The following CCNH variants were observed in gnomAD, a reference collection of about 807,000 sequenced individuals.
The protein encoded by CCNH is cyclin H.
A neutral mutation model predicts 41.9 loss-of-function variants in CCNH; 31 were observed. The observed-to-expected ratio is 0.74, with a 90% CI of 0.56 to 1.00. The LOEUF (loss-of-function observed/expected upper bound fraction) is 1.00. Ranked by LOEUF, CCNH falls within the 50% of genes least tolerant of loss-of-function variation. CCNH has a pLI of 0.00. For missense variants in CCNH, 362 were observed against 388.4 expected (o/e 0.93, Z 0.57); for synonymous variants, 138 against 136.1 (o/e 1.01, Z -0.10).
At chr5:87,329,866 C>G (rs770130402) in intron 9 of CCNH, among the ~76,000 whole-genome samples, 1 of 152,018 alleles carries the variant, frequency 6.6e-6, no homozygotes, top group African/African-American at 2.4e-5. Flanking sequence ...TCTCTTATGT[C>G]GTTAAATTAT....
intron 9 of CCNH, among the ~76,000 whole-genome samples, chr5:87,386,170 TAGAG>T (rs1253647378): frequency 3.3e-5 from 5 of 152,046 alleles, no homozygotes; most frequent in African/African-American, 9.7e-5. Context: ...TTATTACTGT[TAGAG>T]AGACTTTCAT....
chr5:87,376,430 G>C lies in CCNH; in HGVS notation n.751C>G, dbSNP rs886060841. The C allele has an allele frequency of 6.2e-7, 1 of 1,613,966 alleles. No individual in the cohort carries two copies. Among genetic ancestry groups the C allele is most frequent in the Non-Finnish European group, 8.5e-7 (1 of 1,179,974 alleles). ...GCCAGTTGAGCCGATTACAGAAAGG[G>C]CATGCCACAGATGAATGGTTTCTGC... On this transcript the variant is annotated non_coding_transcript_exon_variant, in exon 1 of 1. Coordinates refer to the CCNH transcript ENST00000607486.
At chr5:87,331,530 A>G in intron 9 of CCNH, 1 of 1,603,112 alleles carries the variant, frequency 6.2e-7, no homozygotes. Context: ...ATGAAGCCAA[A>G]TGATGTAGCT....
In CCNH at chr5:87,349,087, A is replaced by T. The variant is rs1013420952; in HGVS notation, c.*91-30190T>A. 8.3e-6 allele frequency: 10 copies of T among 1,202,408 alleles called. No homozygotes were observed. The East Asian group carries it at 2.3e-4, about 27-fold the overall frequency. The allele number at this position is 1,202,408 out of a possible 1,614,324, so 74.5% of individuals were successfully genotyped here. On this transcript the variant is annotated intron_variant and NMD_transcript_variant, in intron 9 of 9. Coordinates refer to the CCNH transcript ENST00000645953. The stretch of plus-strand genomic sequence containing the variant: ...AATTTGAAAGAAATTATCTTAAAAA[A>T]AAAACAAGTTCCTGGTGAAAATTTA...
downstream of CCNH, among the ~76,000 whole-genome samples, chr5:87,388,863 C>T (rs1417613303): frequency 6.6e-6 from 1 of 152,144 alleles, no homozygotes; most frequent in Non-Finnish European, 1.5e-5. Context: ...AGTTAACCTA[C>T]ACTATTTGGC....
intron 9 of CCNH, among the ~76,000 whole-genome samples, chr5:87,334,925 C>G (rs886173916): frequency 6.6e-6 from 1 of 152,040 alleles, no homozygotes; most frequent in African/African-American, 2.4e-5. Context: ...GCTCTGTTAC[C>G]CAGGCTGGAG....
chr5:87,392,761 G>T (rs1580427160), downstream of CCNH: 2 of 159,708 alleles, frequency 1.3e-5, no homozygotes, highest in East Asian at 3.7e-4. Context: ...ATGGAAACTT[G>T]TTACTTACCT....
downstream of CCNH, chr5:87,391,906 G>T (rs922682551): frequency 2.6e-5 from 6 of 226,978 alleles, no homozygotes; most frequent in Non-Finnish European, 4.4e-5. Flanking sequence ...AAAACCAAGG[G>T]ATATCTTGCA....
chr5:87,332,492 T>G lies in CCNH; in HGVS notation c.*91-13595A>C. 6.2e-7 allele frequency: 1 copy of G among 1,601,218 alleles called. No individual in the cohort carries two copies. The highest frequency in any genetic ancestry group is 8.5e-7 in the Non-Finnish European group (1 of 1,169,766). Reference sequence around the variant, plus strand: ...TAAAGATTTTTTTATACTGTATTTTTTCCTGTTCAAATAGGATTATTGCTA... The same window carrying G: ...TAAAGATTTTTTTATACTGTATTTTGTCCTGTTCAAATAGGATTATTGCTA... On this transcript the variant is annotated intron_variant and NMD_transcript_variant, in intron 9 of 9. Transcript: ENST00000645953.
At chr5:87,362,785 C>T (rs1760213476) in intron 9 of CCNH, 2 of 1,262,742 alleles carry the variant, frequency 1.6e-6, no homozygotes, top group South Asian at 2.6e-5. Flanking sequence ...TAGTAATTGA[C>T]ACTTGTTTAG....
At chr5:87,343,802 T>C (rs1274248741) in intron 9 of CCNH, among the ~76,000 whole-genome samples, 1 of 152,212 alleles carries the variant, frequency 6.6e-6, no homozygotes, top group East Asian at 1.9e-4. Context: ...ATAGCCGAGA[T>C]GTTTAATCAA....
chr5:87,411,744 C>A (rs1475035989), intron 1 of CCNH, among the ~76,000 whole-genome samples: 1 of 152,116 alleles, frequency 6.6e-6, no homozygotes, highest in Non-Finnish European at 1.5e-5. Context: ...TGTAAAAAAA[C>A]AGCAAATGTT....
intron 9 of CCNH, among the ~76,000 whole-genome samples, chr5:87,322,810 C>T (rs1756927229): frequency 6.6e-6 from 1 of 152,222 alleles, no homozygotes; most frequent in African/African-American, 2.4e-5. Flanking sequence ...AACACAACCA[C>T]ATACATAAAT....
At chr5:87,396,086 T>A (rs991238503) in intron 7 of CCNH, among the ~76,000 whole-genome samples, 5 of 150,980 alleles carry the variant, frequency 3.3e-5, no homozygotes, top group African/African-American at 1.2e-4. Context: ...TACAGAATTT[T>A]TTCTTATTAT....
chr5:87,377,050 G>A, exon 1 of CCNH: 2 of 1,610,618 alleles, frequency 1.2e-6, no homozygotes, highest in Non-Finnish European at 1.7e-6. Flanking sequence ...GGTATGGTAT[G>A]GCCATGTTAG....
chr5:87,380,887 T>C (rs1263908390), upstream of CCNH, among the ~76,000 whole-genome samples: 2 of 152,180 alleles, frequency 1.3e-5, no homozygotes, highest in African/African-American at 4.8e-5. Flanking sequence ...GCTAACTTCA[T>C]ATAGTATTCT....
chr5:87,385,283 T>G lies in CCNH; in HGVS notation c.*90+7487A>C, dbSNP rs371458251. 9.7e-5 allele frequency: 149 copies of G among 1,532,616 alleles called. No individual in the cohort carries two copies. The highest frequency in any genetic ancestry group is 1.2e-4 in the Non-Finnish European group (138 of 1,106,692). 94.9% of individuals were successfully genotyped at this position (1,532,616 alleles called of 1,614,324 possible). On this transcript the variant is annotated intron_variant and NMD_transcript_variant, in intron 9 of 9. Coordinates refer to the CCNH transcript ENST00000645953. ...CTGTTGGACTTGGTGTCATTAGCTG[T>G]GCCCAATTCTGTTACAGATTCTCCA...
chr5:87,341,415 T>A, intron 9 of CCNH: 1 of 777,944 alleles, frequency 1.3e-6, no homozygotes, highest in African/African-American at 1.8e-5. Context: ...TTTTTTAAGG[T>A]TTTGGACTGA....
chr5:87,391,011 T>G (rs1481277823), downstream of CCNH: 1 of 949,820 alleles, frequency 1.1e-6, no homozygotes, highest in Non-Finnish European at 1.7e-6. Context: ...GTGTGAGCTA[T>G]GCAAACAAAA....
Sources: gnomAD v4.1 joint callset for allele counts (sites outside exome capture counted in the v4.1 genomes callset) on GRCh38, gnomAD v4.1.1 for gene constraint, MANE v1.5 for transcripts, NCBI Gene and HGNC (gene_info 2026-07-23, HGNC 2026-07-21) for gene names.